PGPEP1: variants seen among roughly 807,000 people sequenced by gnomAD.
The protein encoded by PGPEP1 is pyroglutamyl-peptidase I, also known as pyroglutamyl-peptidase 1.
In PGPEP1, 15 loss-of-function variants were observed where a neutral mutation model predicts 24.1. That is an observed-to-expected ratio of 0.62 (90% CI 0.42 to 0.96). The LOEUF (loss-of-function observed/expected upper bound fraction) is 0.96, where lower values mean the gene tolerates loss of function less well. PGPEP1 is among the 40% of genes least tolerant of loss of function. The pLI is 0.00. For missense variants in PGPEP1, 242 were observed against 273.4 expected, an observed-to-expected ratio of 0.89 and a Z score of 0.81; for synonymous variants, 122 against 116.4, an observed-to-expected ratio of 1.05 and a Z score of -0.31.
At chr19:18,343,104 A>C (rs1183054069) in intron 2 of PGPEP1, among the ~76,000 whole-genome samples, 193 bp downstream of exon 2, 1 of 151,678 alleles carries the variant, frequency 6.6e-6, no homozygotes, top group Admixed American at 6.6e-5. Flanking sequence ...GGTTTAAGCG[A>C]TTCTCCCACC....
At chr19:18,350,684 A>G (rs568243240) in intron 2 of PGPEP1, among the ~76,000 whole-genome samples, 2 of 152,344 alleles carry the variant, frequency 1.3e-5, no homozygotes, top group East Asian at 3.9e-4. Context: ...TGCAGCAGAG[A>G]AAAGGATGCG....
At position 18,343,976 on chromosome 19, in the gene PGPEP1, C is replaced by A. The variant is rs557322629; in HGVS notation, c.87+1065C>A. On this transcript the variant is annotated intron_variant, in intron 2 of 4. Transcript: ENST00000269919. ...TGGGATTACAGGTGTGAGCCACTACCCCCGGCCAGGATCTCCCTCCTTTTT... is the reference window on the plus strand; with the variant it reads ...TGGGATTACAGGTGTGAGCCACTACACCCGGCCAGGATCTCCCTCCTTTTT... Among the ~76,000 whole-genome samples the A allele has an allele frequency of 2.0e-4, 30 of 152,114 alleles. No individual in the cohort carries two copies. The South Asian group carries it at 6.2e-3, about 32-fold the overall frequency.
intron 3 of PGPEP1, 88 bp downstream of exon 3, chr19:18,356,099 A>T: frequency 2.5e-6 from 2 of 795,562 alleles, no homozygotes; most frequent in Non-Finnish European, 4.5e-6. Context: ...TTTGGTCCTG[A>T]TCAGATCACG....
chr19:18,362,149 G>C (rs1355557520), intron 4 of PGPEP1, among the ~76,000 whole-genome samples: 1 of 152,198 alleles, frequency 6.6e-6, no homozygotes, highest in Non-Finnish European at 1.5e-5. Flanking sequence ...GCTCACGCCT[G>C]TAATCCCAGC....
chr19:18,352,339 G>A (rs1479672138), intron 2 of PGPEP1, among the ~76,000 whole-genome samples: 1 of 149,716 alleles, frequency 6.7e-6, no homozygotes. Context: ...CAGTACTCGG[G>A]AGGATGAGGC....
In PGPEP1 at chr19:18,360,054, G is replaced by A. The variant is rs187770835; in HGVS notation, c.437+2439G>A. Among the ~76,000 whole-genome samples, 468 of 152,232 alleles carry A rather than the reference G, an allele frequency of 3.1e-3. 2 individuals are homozygous for A. The highest frequency in any genetic ancestry group is 5.4e-3 in the Non-Finnish European group (370 of 68,020). ...GGATCTCGCTCTGTTGCATAGGCTG[G>A]AGTCAAGTAGTATAATCACAGCTCA... is the stretch of plus-strand genomic sequence containing the variant. On this transcript the variant is annotated intron_variant, in intron 4 of 4. Transcript: ENST00000269919.
At chr19:18,350,628 G>A (rs185237452) in intron 2 of PGPEP1, among the ~76,000 whole-genome samples, 10 of 152,332 alleles carry the variant, frequency 6.6e-5, no homozygotes, top group African/African-American at 2.4e-4. Flanking sequence ...TCCAATGTAG[G>A]GGAATGTTTA....
intron 2 of PGPEP1, among the ~76,000 whole-genome samples, chr19:18,354,210 C>G (rs925671957): frequency 1.3e-5 from 2 of 151,604 alleles, no homozygotes; most frequent in Admixed American, 6.6e-5. Context: ...GCTCCAGCCT[C>G]GGTGACAGAA....
At position 18,365,834 on chromosome 19, in the gene PGPEP1, C is replaced by G. The variant is rs183368727; in HGVS notation, c.*2251C>G. ...CTCTGGAGGGGAAGGTGGATGCTGG[C>G]GGGTGACTTGCAGTGGGCGCCTGGC... On this transcript the variant is annotated 3_prime_UTR_variant, in exon 5 of 5. Coordinates refer to ENST00000269919, the MANE Select transcript of PGPEP1 (RefSeq NM_017712.4). The G allele has an allele frequency of 6.6e-6, 1 of 152,226 alleles. No homozygotes were observed. Among genetic ancestry groups the G allele is most frequent in the African/African-American group, 2.4e-5 (1 of 41,408 alleles). The allele number at this position is 152,226 out of a possible 1,614,324, so 9.4% of individuals were successfully genotyped here. A position where few individuals can be genotyped will look rare whatever the true frequency, so the allele number is the denominator to read the frequency against.
Position 18,363,841 on chromosome 19 carries a change from C to T in PGPEP1, c.*258C>T. On this transcript the variant is annotated 3_prime_UTR_variant, in exon 5 of 5. Coordinates refer to ENST00000269919, the MANE Select transcript of PGPEP1 (RefSeq NM_017712.4). Reference sequence around the variant, plus strand: ...CAGCTGCCGTGACCAGGGAGGCCAGCCTGGGAGGTCCAGATGCCCAGGGAG... The same window carrying T: ...CAGCTGCCGTGACCAGGGAGGCCAGTCTGGGAGGTCCAGATGCCCAGGGAG... The T allele has an allele frequency of 2.8e-6, 1 of 353,204 alleles. No homozygotes were observed. Among genetic ancestry groups the T allele is most frequent in the South Asian group, 5.5e-5 (1 of 18,058 alleles). The allele number at this position is 353,204 out of a possible 1,614,324, so 21.9% of individuals were successfully genotyped here.
intron 2 of PGPEP1, among the ~76,000 whole-genome samples, chr19:18,344,666 G>A (rs11671526): frequency 0.57 from 85,394 of 150,700 alleles, 25,756 homozygotes; most frequent in Middle Eastern, 0.74. Flanking sequence ...AGATGGGAGC[G>A]TGCCCGAGGC....
chr19:18,347,624 CT>C (rs904220455), intron 2 of PGPEP1, among the ~76,000 whole-genome samples: 8 of 150,146 alleles, frequency 5.3e-5, no homozygotes, highest in Non-Finnish European at 1.2e-4. Flanking sequence ...ATCTCTCTGT[CT>C]CTGTCTCTCC....
chr19:18,342,732 A>G (rs544774948), intron 1 of PGPEP1, 127 bp from the exon 2 acceptor site: 32 of 722,518 alleles, frequency 4.4e-5, no homozygotes, highest in Admixed American at 1.8e-4. Flanking sequence ...CAGGCCCCCA[A>G]TGTTGTCCTT....
At position 18,366,702 on chromosome 19, in the gene PGPEP1, C is replaced by T. The variant is rs1479881876; in HGVS notation, c.*3119C>T. 2 of 152,046 alleles carry T rather than the reference C, an allele frequency of 1.3e-5. No individual in the cohort carries two copies. The highest frequency in any genetic ancestry group is 2.9e-5 in the Non-Finnish European group (2 of 68,020). 9.4% of individuals were successfully genotyped at this position (152,046 alleles called of 1,614,324 possible). A position where few individuals can be genotyped will look rare whatever the true frequency, so the allele number is the denominator to read the frequency against. ...GCCAGGCTGGTCTTGAAATCCTGAC[C>T]TCAGGTGATCTGCCTGCCTTGGCCT... On this transcript the variant is annotated 3_prime_UTR_variant, in exon 5 of 5. Coordinates refer to ENST00000269919, the MANE Select transcript of PGPEP1 (RefSeq NM_017712.4).
rs1003386031 is a variant in PGPEP1, at chr19:18,367,192, G to A, written c.*3609G>A. On this transcript the variant is annotated 3_prime_UTR_variant, in exon 5 of 5. Coordinates refer to ENST00000269919, the MANE Select transcript of PGPEP1 (RefSeq NM_017712.4). The stretch of plus-strand genomic sequence containing the variant: ...AAAAAAAAATCCTCATGCAAGAAGG[G>A]AAGGACCAAGTCCCATTCCCTCTTG... 1 of 151,118 alleles carries A rather than the reference G, an allele frequency of 6.6e-6. No homozygotes were observed. The highest frequency in any genetic ancestry group is 6.6e-5 in the Admixed American group (1 of 15,174). 9.4% of individuals were successfully genotyped at this position (151,118 alleles called of 1,614,324 possible).
Position 18,363,593 on chromosome 19 carries a change from A to C in PGPEP1, c.*10A>C. The C allele has an allele frequency of 1.9e-6, 3 of 1,606,710 alleles. No homozygotes were observed. Among genetic ancestry groups the C allele is most frequent in the Non-Finnish European group, 2.6e-6 (3 of 1,175,502 alleles). ...TTGCCACAAACACTGAGGGACGCTC[A>C]GGTCTCCTAAGACCTCATCCTGCTG... is the stretch of plus-strand genomic sequence containing the variant. On this transcript the variant is annotated 3_prime_UTR_variant, in exon 5 of 5. Coordinates refer to ENST00000269919, the MANE Select transcript of PGPEP1 (RefSeq NM_017712.4).
chr19:18,354,123 T>A (rs921006732), intron 2 of PGPEP1, among the ~76,000 whole-genome samples: 1 of 152,094 alleles, frequency 6.6e-6, no homozygotes, highest in African/African-American at 2.4e-5. Context: ...TAATCCCAGC[T>A]ACTGGGGAGG....
chr19:18,355,338 A>C (rs1317953456), intron 2 of PGPEP1, among the ~76,000 whole-genome samples: 1 of 150,538 alleles, frequency 6.6e-6, no homozygotes, highest in Non-Finnish European at 1.5e-5. Flanking sequence ...TTGGCTCACT[A>C]CAACCTCTGC....
chr19:18,361,840 CACTT>C lies in PGPEP1; in HGVS notation c.438-1547_438-1544del, dbSNP rs1054171691. 3 of 985,148 alleles carry C rather than the reference CACTT, an allele frequency of 3.0e-6. No individual in the cohort carries two copies. The African/African-American group carries it at 5.2e-5, about 17-fold the overall frequency. The allele number at this position is 985,148 out of a possible 1,614,324, so 61.0% of individuals were successfully genotyped here. ...GGATGGAGTCACATGGCGAAAGTCA[CACTT>C]ACTGAGAATTCTCATCCTTAGTTTT... is the stretch of plus-strand genomic sequence containing the variant. On this transcript the variant is annotated intron_variant, in intron 4 of 4. Coordinates refer to ENST00000269919, the MANE Select transcript of PGPEP1 (RefSeq NM_017712.4).
Sources: gnomAD v4.1 joint callset for allele counts (sites outside exome capture counted in the v4.1 genomes callset) on GRCh38, gnomAD v4.1.1 for gene constraint, MANE v1.5 for transcripts, NCBI Gene and HGNC (gene_info 2026-07-23, HGNC 2026-07-21) for gene names.